PRKN: variants seen among roughly 807,000 people sequenced by gnomAD.
PRKN encodes the protein E3 ubiquitin-protein ligase parkin.
A neutral mutation model predicts 59.5 loss-of-function variants in PRKN; 56 were observed. The ratio of observed to expected loss-of-function variants is 0.94; its 90% CI spans 0.76 to 1.18. The LOEUF (loss-of-function observed/expected upper bound fraction) is 1.18, where lower values mean the gene tolerates loss of function less well. PRKN is among the 50% of genes most tolerant of loss of function. The pLI is 0.00. For synonymous variants in PRKN, 250 were observed against 222.1 expected (o/e 1.13, Z -1.12); for missense variants, 657 against 596.4 (o/e 1.10, Z -1.06).
At chr6:161,938,431 T>C (rs1047456994) in intron 6 of PRKN, among the ~76,000 whole-genome samples, 1 of 152,160 alleles carries the variant, frequency 6.6e-6, no homozygotes, top group South Asian at 2.1e-4. Flanking sequence ...ATAAAAACAT[T>C]TGTGGTTTTA....
At chr6:162,337,596 T>A (rs544742222) in intron 2 of PRKN, among the ~76,000 whole-genome samples, 2 of 152,304 alleles carry the variant, frequency 1.3e-5, no homozygotes, top group African/African-American at 4.8e-5. Context: ...CTGGTCAACA[T>A]GGAAAATATG....
rs150787338 is a variant in PRKN at position 161,565,750 on chromosome 6, A to C, written c.933+3605T>G. 2.0e-5 allele frequency among the ~76,000 whole-genome samples: 3 copies of C among 152,186 alleles called. No homozygotes were observed. In the East Asian group the frequency reaches 5.8e-4, roughly 29 times the overall value. ...TAGCAATGTGAGACCAGACTAATAC[A>C]TCTCCTTTCCCTCTAAAACTCTTCC... On this transcript the variant is annotated intron_variant, in intron 8 of 11. Transcript: ENST00000366898.
intron 9 of PRKN, among the ~76,000 whole-genome samples, chr6:161,415,622 C>T (rs983040329): frequency 6.9e-6 from 1 of 145,108 alleles, no homozygotes; most frequent in African/African-American, 2.5e-5. Context: ...CCCCGCCAGC[C>T]CCCGACCGCC....
intron 4 of PRKN, among the ~76,000 whole-genome samples, chr6:162,186,456 AAGGTGAGATAATGTTTG>A: frequency 1.6e-3 from 3 of 1,868 alleles, no homozygotes; most frequent in African/African-American, 7.8e-3. Context: ...ATAATGTTTG[AAGGTGAGATAATGTTTG>A]AAGGTGATTT....
At chr6:161,903,007 G>C (rs1777994550) in intron 6 of PRKN, among the ~76,000 whole-genome samples, 1 of 152,174 alleles carries the variant, frequency 6.6e-6, no homozygotes, top group East Asian at 1.9e-4. Context: ...GTTTCTGGCT[G>C]GTTCTCTACT....
intron 4 of PRKN, among the ~76,000 whole-genome samples, chr6:162,096,660 C>T (rs1002585382): frequency 3.3e-5 from 5 of 152,038 alleles, no homozygotes; most frequent in South Asian, 2.1e-4. Flanking sequence ...TTTCCCCTTT[C>T]GCTTGGTTCT....
rs1051793426 is a variant in PRKN, at chr6:162,312,440, C to A, written c.172-49675G>T. Among the ~76,000 whole-genome samples the A allele has an allele frequency of 5.9e-4, 90 of 152,264 alleles. 2 individuals are homozygous for A. Among genetic ancestry groups the A allele is most frequent in the Non-Finnish European group, 2.8e-4 (19 of 68,038 alleles). On this transcript the variant is annotated intron_variant, in intron 2 of 11. Coordinates refer to ENST00000366898, the MANE Select transcript of PRKN (RefSeq NM_004562.3). ...TCTGTTGCCCCATCTGACTTTACGACATCCTCATGCAAGGTGACCATGTAC... is the reference window on the plus strand; with the variant it reads ...TCTGTTGCCCCATCTGACTTTACGAAATCCTCATGCAAGGTGACCATGTAC...
At chr6:162,331,926 C>T (rs1783598603) in intron 2 of PRKN, among the ~76,000 whole-genome samples, 1 of 152,140 alleles carries the variant, frequency 6.6e-6, no homozygotes, top group Non-Finnish European at 1.5e-5. Flanking sequence ...AAAGTCAAAA[C>T]TTTAATGACT....
At chr6:162,273,160 C>T (rs1460145542) in intron 2 of PRKN, among the ~76,000 whole-genome samples, 1 of 151,738 alleles carries the variant, frequency 6.6e-6, no homozygotes, top group African/African-American at 2.4e-5. Context: ...TAAGTACATA[C>T]AAAAGTAGCT....
intron 4 of PRKN, among the ~76,000 whole-genome samples, chr6:162,102,500 G>A (rs962464029): frequency 2.0e-5 from 3 of 152,158 alleles, no homozygotes; most frequent in Non-Finnish European, 2.9e-5. Flanking sequence ...TAAGTAAAGC[G>A]CTCATGAAAA....
chr6:161,866,598 A>G (rs1376723064), intron 6 of PRKN, among the ~76,000 whole-genome samples: 1 of 152,110 alleles, frequency 6.6e-6, no homozygotes, highest in Admixed American at 6.6e-5. Flanking sequence ...AAAGAAAAGA[A>G]AATTACCAAA....
intron 6 of PRKN, among the ~76,000 whole-genome samples, chr6:161,917,896 G>A (rs1477320502): frequency 2.0e-5 from 3 of 152,134 alleles, no homozygotes; most frequent in Admixed American, 6.6e-5. Context: ...TGTCACCCTT[G>A]GAAGAAAGGG....
intron 3 of PRKN, among the ~76,000 whole-genome samples, chr6:162,212,645 G>A (rs1785255049): frequency 6.6e-6 from 1 of 152,124 alleles, no homozygotes; most frequent in Admixed American, 6.6e-5. Context: ...ATACAGTCAG[G>A]CATTGTTTAA....
chr6:162,677,867 GACATAT>G (rs927571129), intron 1 of PRKN, among the ~76,000 whole-genome samples: 3 of 151,978 alleles, frequency 2.0e-5, no homozygotes, highest in Admixed American at 2.0e-4. Context: ...GACATATTTG[GACATAT>G]ACATATACCC....
chr6:162,141,719 A>C lies in PRKN; in HGVS notation c.534+59412T>G, dbSNP rs568862389. Among the ~76,000 whole-genome samples the C allele has an allele frequency of 4.3e-4, 66 of 152,330 alleles. No homozygotes were observed. The South Asian group carries it at 0.013, about 31-fold the overall frequency. On this transcript the variant is annotated intron_variant, in intron 4 of 11. Transcript: ENST00000366898. Reference sequence around the variant, plus strand: ...TACTGCTATATAGTATACTTTGCATAAGTGGTATATACTGTTGGGAAGTAG... The same window carrying C: ...TACTGCTATATAGTATACTTTGCATCAGTGGTATATACTGTTGGGAAGTAG...
At chr6:162,448,140 G>GA (rs998752245) in intron 1 of PRKN, among the ~76,000 whole-genome samples, 1 of 152,124 alleles carries the variant, frequency 6.6e-6, no homozygotes, top group Non-Finnish European at 1.5e-5. Flanking sequence ...AGCTCCGTGG[G>GA]ATGTTCGGCT....
At chr6:162,367,025 T>C (rs929422544) in intron 2 of PRKN, among the ~76,000 whole-genome samples, 1 of 152,216 alleles carries the variant, frequency 6.6e-6, no homozygotes, top group African/African-American at 2.4e-5. Flanking sequence ...CGAATTGTAG[T>C]TCCCATAATC....
At chr6:161,619,011 C>CG (rs1782793774) in intron 7 of PRKN, among the ~76,000 whole-genome samples, 1 of 152,104 alleles carries the variant, frequency 6.6e-6, no homozygotes, top group African/African-American at 2.4e-5. Context: ...CAGCAGTTTT[C>CG]GGCAGAGGGC....
chr6:162,528,080 A>AGAGGG (rs1778362253), intron 1 of PRKN, among the ~76,000 whole-genome samples: 1 of 27,100 alleles, frequency 3.7e-5, no homozygotes, highest in Admixed American at 4.1e-4. Flanking sequence ...GGGGGGCGGG[A>AGAGGG]GGGGTGCGGG....
Sources: allele counts gnomAD v4.1 joint callset (sites outside exome capture counted in the v4.1 genomes callset), GRCh38; gene constraint gnomAD v4.1.1; transcripts MANE v1.5; gene names NCBI Gene and HGNC (gene_info 2026-07-23, HGNC 2026-07-21).